Variants in MAMLD1 observed in about 807,000 individuals in gnomAD.
MAMLD1 encodes mastermind like domain containing 1.
MAMLD1 carries 14 observed loss-of-function variants against 45.0 expected under a neutral mutation model. The ratio of observed to expected loss-of-function variants is 0.31; its 90% confidence interval spans 0.21 to 0.49. The LOEUF (loss-of-function observed/expected upper bound fraction) is 0.49. Among genes scored for constraint, MAMLD1 ranks in the 20% least tolerant of loss-of-function variants. The pLI is 0.99. For missense variants in MAMLD1, 543 were observed against 603.6 expected, an observed-to-expected ratio of 0.90 and a Z score of 1.05; for synonymous variants, 254 against 247.8, an observed-to-expected ratio of 1.02 and a Z score of -0.24.
intron 5 of MAMLD1, among the ~76,000 whole-genome samples, chrX:150,478,554 A>G (rs961528099): frequency 8.9e-6 from 1 of 112,146 alleles, no homozygotes; most frequent in Non-Finnish European, 1.9e-5. Context: ...GAAACATCAC[A>G]GATTTTATTT....
chrX:150,511,863 G>T, intron 7 of MAMLD1, 141 bp from the exon 8 acceptor site: 1 of 431,746 alleles, frequency 2.3e-6, no homozygotes, highest in Non-Finnish European at 3.6e-6. Context: ...CGAGGAACTG[G>T]GGAGCAGGGG....
intron 5 of MAMLD1, among the ~76,000 whole-genome samples, chrX:150,499,737 A>G (rs1459593614): frequency 9.0e-6 from 1 of 111,578 alleles, no homozygotes; most frequent in Non-Finnish European, 1.9e-5. Context: ...GGAACAATCT[A>G]TCTCAAATTC....
intron 1 of MAMLD1, among the ~76,000 whole-genome samples, chrX:150,405,881 A>G (rs2033981599): frequency 9.0e-6 from 1 of 110,738 alleles, no homozygotes; most frequent in Non-Finnish European, 1.9e-5. Context: ...GGGAGCAAAA[A>G]GAATGCCAGA....
At chrX:150,412,193 T>C (rs7883688) in intron 1 of MAMLD1, among the ~76,000 whole-genome samples, 6,276 of 111,115 alleles carry the variant, frequency 0.056, 462 homozygotes, top group African/African-American at 0.19. Flanking sequence ...GACTCGTGAC[T>C]TGACATCCAA....
intron 1 of MAMLD1, among the ~76,000 whole-genome samples, chrX:150,398,277 A>G (rs1048043608): frequency 4.8e-5 from 3 of 62,385 alleles, no homozygotes; most frequent in Admixed American, 2.2e-4. Flanking sequence ...AAGAAGAAGA[A>G]GAAGAAGAAG....
At chrX:150,488,196 G>A (rs138761181) in intron 5 of MAMLD1, among the ~76,000 whole-genome samples, 1,655 of 112,379 alleles carry the variant, frequency 0.015, 18 homozygotes, top group Non-Finnish European at 0.022. Context: ...GGCACCCTGG[G>A]CATTGGCCCA....
intron 5 of MAMLD1, among the ~76,000 whole-genome samples, chrX:150,488,221 C>T (rs941160254): frequency 1.8e-5 from 2 of 112,527 alleles, no homozygotes; most frequent in Admixed American, 1.9e-4. Context: ...CCTCTTCCCC[C>T]ATGCCCATTT....
chrX:150,494,890 A>AAAACAAACAAAC (rs36010957), intron 5 of MAMLD1, among the ~76,000 whole-genome samples: 1 of 103,064 alleles, frequency 9.7e-6, no homozygotes, highest in Non-Finnish European at 2.0e-5. Context: ...GCCTCAATAC[A>AAAACAAACAAAC]AAACAAACAA....
chrX:150,471,360 T>A lies in MAMLD1; in HGVS notation c.1787T>A (p.Leu596Gln), dbSNP rs2036420806. The A allele has an allele frequency of 8.3e-7, 1 of 1,200,856 alleles. No individual in the cohort carries two copies. The highest frequency in any genetic ancestry group is 1.1e-6 in the Non-Finnish European group (1 of 887,422). ...ASSTATATLQLQQQQQQQQQQ... is the reference protein window; with the variant it reads ...ASSTATATLQQQQQQQQQQQQ... ...TCCACGGCCACTGCCACCTTGCAGC[T>A]GCAGCAGCAGCAGCAGCAACAGCAG... Residue 596 changes from leucine to glutamine, a missense_variant, in exon 4 of 8, where the codon CTG becomes CAG. Physicochemically the swap from Leu to Gln is moderately radical, Grantham distance 113 (BLOSUM62 -2). Transcript: ENST00000370401.
chrX:150,469,986 G>A lies in MAMLD1; in HGVS notation c.413G>A (p.Gly138Asp), dbSNP rs1557406252. Residue 138 changes from glycine to aspartate, a missense_variant, in exon 4 of 8, where the codon GGC becomes GAC. Gly to Asp is a moderately conservative substitution (Grantham distance 94, BLOSUM62 -1). Coordinates refer to ENST00000370401, the MANE Select transcript of MAMLD1 (RefSeq NM_005491.5). ...SLLLENNPMN[G>D]NIMGSPFVVP... is the part of the protein sequence containing the mutation. The stretch of plus-strand genomic sequence containing the variant: ...CTGCTGGAGAATAACCCTATGAATG[G>A]CAACATCATGGGCTCACCATTTGTA... The A allele has an allele frequency of 1.7e-6, 2 of 1,211,442 alleles. No individual in the cohort carries two copies. The highest frequency in any genetic ancestry group is 2.2e-6 in the Non-Finnish European group (2 of 895,467).
chrX:150,369,735 A>G (rs2031808657), intron 1 of MAMLD1, among the ~76,000 whole-genome samples: 1 of 112,001 alleles, frequency 8.9e-6, no homozygotes, highest in African/African-American at 3.2e-5. Flanking sequence ...CTTTGCAGTT[A>G]TTTAGTGAAG....
intron 1 of MAMLD1, among the ~76,000 whole-genome samples, chrX:150,419,641 C>A (rs2034412366): frequency 2.0e-5 from 2 of 101,004 alleles, no homozygotes; most frequent in African/African-American, 7.2e-5. Context: ...CTGGTGGTGA[C>A]AAAATCTCTC....
Position 150,448,727 on chromosome X carries a change from G to A in MAMLD1, c.96+3115G>A, listed in dbSNP as rs782151188. 8.9e-5 allele frequency among the ~76,000 whole-genome samples: 10 copies of A among 112,013 alleles called. 1 individual carries two copies. Among genetic ancestry groups the A allele is most frequent in the African/African-American group, 2.0e-4 (6 of 30,767 alleles). ...TCCTTCCCTTTGAAGTTAAGATCAC[G>A]ATTCTTTCCCTAGATCCCTAGATCA... On this transcript the variant is annotated intron_variant, in intron 2 of 7. Coordinates refer to ENST00000370401, the MANE Select transcript of MAMLD1 (RefSeq NM_005491.5).
chrX:150,369,946 A>AG (rs1486494059), intron 1 of MAMLD1, among the ~76,000 whole-genome samples: 2 of 109,024 alleles, frequency 1.8e-5, no homozygotes, highest in African/African-American at 6.7e-5. Flanking sequence ...TTAAAGGGGC[A>AG]GGGGTGAACA....
intron 1 of MAMLD1, among the ~76,000 whole-genome samples, chrX:150,398,003 A>G (rs1443765880): frequency 9.1e-6 from 1 of 109,458 alleles, no homozygotes; most frequent in African/African-American, 3.3e-5. Flanking sequence ...TGATCATCAC[A>G]TACTTTTCCA....
At chrX:150,490,651 A>G (rs2037155073) in intron 5 of MAMLD1, among the ~76,000 whole-genome samples, 1 of 112,166 alleles carries the variant, frequency 8.9e-6, no homozygotes, top group Non-Finnish European at 1.9e-5. Flanking sequence ...TTAGTTTCAC[A>G]GAATCAGAGG....
Position 150,512,135 on chromosome X carries a change from C to T in MAMLD1, c.*176C>T. 8.7e-7 allele frequency: 1 copy of T among 1,153,737 alleles called. No homozygotes were observed. The highest frequency in any genetic ancestry group is 1.1e-6 in the Non-Finnish European group (1 of 871,538). On this transcript the variant is annotated 3_prime_UTR_variant, in exon 8 of 8. Transcript: ENST00000370401. Reference sequence around the variant, plus strand: ...TCCAGGAATGATCCCACTCACCAGGCACCAGAGCTGCGAGGGCATGGGAGT... The same window carrying T: ...TCCAGGAATGATCCCACTCACCAGGTACCAGAGCTGCGAGGGCATGGGAGT...
chrX:150,453,477 C>T (rs2035733893), intron 2 of MAMLD1, among the ~76,000 whole-genome samples: 1 of 111,500 alleles, frequency 9.0e-6, no homozygotes, highest in Non-Finnish European at 1.9e-5. Flanking sequence ...ACGTGTTTAG[C>T]TTCCCCTCCT....
chrX:150,481,967 AGAAAGAAAGAAAG>A (rs2036797652), intron 5 of MAMLD1, among the ~76,000 whole-genome samples: 1 of 36,036 alleles, frequency 2.8e-5, no homozygotes, highest in African/African-American at 1.2e-4. Flanking sequence ...GAAAGAAAAA[AGAAAGAAAGAAAG>A]AAAGAAAGAA....
Sources: allele counts gnomAD v4.1 joint callset (sites outside exome capture counted in the v4.1 genomes callset), GRCh38; gene constraint gnomAD v4.1.1; transcripts MANE v1.5; gene names NCBI Gene and HGNC (gene_info 2026-07-23, HGNC 2026-07-21).